BCKDHB: variants seen among roughly 807,000 people sequenced by gnomAD.
BCKDHB encodes the protein branched chain keto acid dehydrogenase E1 subunit beta.
Under a neutral mutation model 48.5 loss-of-function variants are expected in BCKDHB, and 41 were observed. The ratio of observed to expected loss-of-function variants is 0.85; its 90% CI spans 0.66 to 1.10. The LOEUF is 1.10. Ranked by LOEUF, BCKDHB falls within the 50% of genes least tolerant of loss-of-function variation. The probability of loss-of-function intolerance (pLI) is 0.00; values close to 1 mark genes in which losing one functional copy is unlikely to be tolerated. For synonymous variants in BCKDHB, 201 were observed against 174.8 expected (o/e 1.15, Z -1.18); for missense variants, 496 against 494.2 (o/e 1.00, Z -0.03).
At chr6:80,276,170 ATGTT>A (rs2127969053) in intron 9 of BCKDHB, among the ~76,000 whole-genome samples, 1 of 152,122 alleles carries the variant, frequency 6.6e-6, no homozygotes, top group African/African-American at 2.4e-5. Flanking sequence ...AATGAAAACA[ATGTT>A]TGCTCCACAG....
chr6:80,203,888 A>G (rs1445706969), intron 8 of BCKDHB, among the ~76,000 whole-genome samples: 1 of 152,084 alleles, frequency 6.6e-6, no homozygotes, highest in African/African-American at 2.4e-5. Flanking sequence ...TAATTTAAGA[A>G]GCATCTATTT....
At chr6:80,396,022 C>A in the BCKDHB span, among the ~76,000 whole-genome samples, 3,366 of 152,302 alleles carry the variant, frequency 0.022, 74 homozygotes, top group South Asian at 0.072. Context: ...ATGGAAATGC[C>A]TGGATGTCCA....
intron 6 of BCKDHB, among the ~76,000 whole-genome samples, chr6:80,186,716 A>G (rs986487858): frequency 6.6e-5 from 10 of 152,170 alleles, no homozygotes; most frequent in African/African-American, 1.9e-4. Context: ...GCCTTCCCCA[A>G]GGACCCCTGT....
chr6:80,327,703 C>A (rs546865695), intron 9 of BCKDHB, among the ~76,000 whole-genome samples: 84 of 152,258 alleles, frequency 5.5e-4, no homozygotes, highest in Admixed American at 2.0e-4. Context: ...TTTCCCCACC[C>A]ATTTTGTTTA....
At chr6:80,459,513 T>C in the BCKDHB span, among the ~76,000 whole-genome samples, 13,077 of 152,180 alleles carry the variant, frequency 0.086, 663 homozygotes, top group Non-Finnish European at 0.11. Flanking sequence ...TTATCAGGCA[T>C]AAAGCTTCAG....
chr6:80,362,174 C>T, the BCKDHB span, among the ~76,000 whole-genome samples: 4 of 152,136 alleles, frequency 2.6e-5, no homozygotes, highest in South Asian at 2.1e-4. Flanking sequence ...CCTGGGAAAG[C>T]GGCTGCTTAT....
At chr6:80,200,028 C>T (rs1774312905) in intron 6 of BCKDHB, among the ~76,000 whole-genome samples, 2 of 131,950 alleles carry the variant, frequency 1.5e-5, no homozygotes, top group South Asian at 4.8e-4. Flanking sequence ...CACACCACTG[C>T]ACTCCAGCCT....
intron 8 of BCKDHB, among the ~76,000 whole-genome samples, chr6:80,268,877 T>G (rs994132060): frequency 1.3e-4 from 20 of 152,118 alleles, no homozygotes; most frequent in African/African-American, 4.8e-4. Flanking sequence ...CACAAATATC[T>G]TATTGTTAAA....
intron 1 of BCKDHB, among the ~76,000 whole-genome samples, chr6:80,112,349 C>T (rs963131021): frequency 6.6e-6 from 1 of 152,110 alleles, no homozygotes; most frequent in Non-Finnish European, 1.5e-5. Flanking sequence ...AAAGGCCAAA[C>T]CTCCCCAGAC....
chr6:80,278,251 C>T (rs193289078), intron 9 of BCKDHB, among the ~76,000 whole-genome samples: 4 of 152,264 alleles, frequency 2.6e-5, no homozygotes, highest in Non-Finnish European at 5.9e-5. Context: ...AAGTATACTT[C>T]TGTACTAAAA....
chr6:80,131,997 T>C (rs1770653229), intron 3 of BCKDHB, among the ~76,000 whole-genome samples: 2 of 152,240 alleles, frequency 1.3e-5, no homozygotes, highest in South Asian at 2.1e-4. Flanking sequence ...CTTTTATTTT[T>C]ATTTTATTTA....
At chr6:80,351,940 G>A in the BCKDHB span, among the ~76,000 whole-genome samples, 1 of 150,608 alleles carries the variant, frequency 6.6e-6, no homozygotes, top group African/African-American at 2.4e-5. Context: ...TCCTGCCTCC[G>A]CCTCCCAAGT....
At chr6:80,220,320 T>G (rs1775367333) in intron 8 of BCKDHB, among the ~76,000 whole-genome samples, 1 of 141,480 alleles carries the variant, frequency 7.1e-6, no homozygotes, top group Admixed American at 7.2e-5. Flanking sequence ...TTTTTTTTTT[T>G]GTCATGTATT....
chr6:80,122,064 G>A (rs933635523), intron 1 of BCKDHB, among the ~76,000 whole-genome samples: 1 of 152,204 alleles, frequency 6.6e-6, no homozygotes, highest in Non-Finnish European at 1.5e-5. Flanking sequence ...AGCATGAAGG[G>A]CTGTTGAATT....
the BCKDHB span, among the ~76,000 whole-genome samples, chr6:80,464,078 C>G: frequency 6.6e-6 from 1 of 152,076 alleles, no homozygotes; most frequent in Non-Finnish European, 1.5e-5. Context: ...CTGCCTGCAT[C>G]AAACACAGAT....
At chr6:80,433,891 A>AT in the BCKDHB span, among the ~76,000 whole-genome samples, 5 of 152,176 alleles carry the variant, frequency 3.3e-5, no homozygotes, top group Non-Finnish European at 7.3e-5. Flanking sequence ...AGGCTTTATC[A>AT]TATTTGGAAA....
intron 9 of BCKDHB, among the ~76,000 whole-genome samples, chr6:80,323,325 C>T (rs1040456862): frequency 6.6e-6 from 1 of 152,104 alleles, no homozygotes; most frequent in African/African-American, 2.4e-5. Flanking sequence ...TTTGTGAACA[C>T]ATAGTACAAA....
At chr6:80,270,791 G>C (rs139028151) in intron 8 of BCKDHB, among the ~76,000 whole-genome samples, 2 of 152,086 alleles carry the variant, frequency 1.3e-5, no homozygotes, top group Non-Finnish European at 2.9e-5. Context: ...CTGGCTCCCT[G>C]CGTTGTTAGT....
chr6:80,251,879 A>G (rs1776853376), intron 8 of BCKDHB: 1 of 152,202 alleles, frequency 6.6e-6, no homozygotes, highest in Non-Finnish European at 1.5e-5. Flanking sequence ...TTATTAACCT[A>G]TTGGACATTG....
Sources: gnomAD v4.1 joint callset for allele counts (sites outside exome capture counted in the v4.1 genomes callset) on GRCh38, gnomAD v4.1.1 for gene constraint, MANE v1.5 for transcripts, NCBI Gene and HGNC (gene_info 2026-07-23, HGNC 2026-07-21) for gene names.